PDSS1: variants seen among roughly 807,000 people sequenced by gnomAD.
PDSS1 encodes the protein decaprenyl diphosphate synthase subunit 1.
Under a neutral mutation model 57.5 loss-of-function variants are expected in PDSS1, and 43 were observed. The observed-to-expected ratio is 0.75, with a 90% CI of 0.59 to 0.96. PDSS1 has a LOEUF of 0.96. Ranked by LOEUF, PDSS1 falls within the 50% of genes least tolerant of loss-of-function variation. The pLI is 0.00. For missense variants in PDSS1, 438 were observed against 527.8 expected, an observed-to-expected ratio of 0.83 and a Z score of 1.67; for synonymous variants, 175 against 191.3, an observed-to-expected ratio of 0.91 and a Z score of 0.70.
At chr10:26,745,317 A>G (rs1836804690) in intron 11 of PDSS1, among the ~76,000 whole-genome samples, 1 of 152,232 alleles carries the variant, frequency 6.6e-6, no homozygotes, top group East Asian at 1.9e-4. Context: ...AAGAACCAAT[A>G]TTTTAAAACA....
intron 5 of PDSS1, among the ~76,000 whole-genome samples, chr10:26,717,247 C>T (rs75222700): frequency 0.025 from 3,728 of 151,848 alleles, 164 homozygotes; most frequent in African/African-American, 0.085. Context: ...TTTATTTATT[C>T]GGAGACAGAG....
intron 10 of PDSS1, among the ~76,000 whole-genome samples, chr10:26,738,741 T>G (rs1836485477): frequency 6.6e-6 from 1 of 152,208 alleles, no homozygotes; most frequent in Non-Finnish European, 1.5e-5. Flanking sequence ...TCTTGGAGTT[T>G]ACTCCAGCCA....
At chr10:26,737,722 CAAAAAAAAAAAAAAAAA>C (rs200552153) in intron 10 of PDSS1, among the ~76,000 whole-genome samples, 3 of 73,556 alleles carry the variant, frequency 4.1e-5, no homozygotes, top group East Asian at 3.8e-4. Flanking sequence ...GACTCCGTCT[CAAAAAAAAAAAAAAAAA>C]AAAAAAAAAA....
chr10:26,705,471 T>G, intron 4 of PDSS1, 77 bp downstream of exon 4: 1 of 584,994 alleles, frequency 1.7e-6, no homozygotes, highest in Non-Finnish European at 2.9e-6. Context: ...TTTTTTATTC[T>G]TATAATTATT....
At chr10:26,726,321 A>G (rs1394699447) in intron 8 of PDSS1, among the ~76,000 whole-genome samples, 1 of 152,130 alleles carries the variant, frequency 6.6e-6, no homozygotes, top group African/African-American at 2.4e-5. Context: ...TCCCAGCACT[A>G]CCTCCTTTTC....
intron 10 of PDSS1, among the ~76,000 whole-genome samples, chr10:26,737,098 C>T (rs56180271): frequency 6.6e-6 from 1 of 152,292 alleles, no homozygotes; most frequent in Non-Finnish European, 1.5e-5. Context: ...GATTCCTTTA[C>T]CTAGGCTCAG....
intron 1 of PDSS1, among the ~76,000 whole-genome samples, chr10:26,699,724 G>T (rs753945880): frequency 9.2e-5 from 14 of 152,156 alleles, no homozygotes; most frequent in Admixed American, 2.0e-4. Context: ...AAAGTTTCTT[G>T]CCCACCAAGC....
chr10:26,746,620 A>G lies in PDSS1; in HGVS notation c.*147A>G, dbSNP rs1836943381. On this transcript the variant is annotated 3_prime_UTR_variant, in exon 12 of 12. Transcript: ENST00000376215. ...ATTGATGGGCAATTTATTTTTTTTT[A>G]TTGCAAAAGTTTTTTCAGAAAACTT... 4.8e-6 allele frequency: 4 copies of G among 830,486 alleles called. No homozygotes were observed. The highest frequency in any genetic ancestry group is 7.6e-6 in the Non-Finnish European group (4 of 526,504). The allele number at this position is 830,486 out of a possible 1,614,324, so 51.4% of individuals were successfully genotyped here.
intron 10 of PDSS1, among the ~76,000 whole-genome samples, chr10:26,741,007 A>G (rs888259323): frequency 2.6e-5 from 4 of 151,528 alleles, no homozygotes; most frequent in African/African-American, 9.7e-5. Context: ...GGTCTTTTTT[A>G]TAACCTACTC....
chr10:26,731,298 G>A (rs757448781), intron 8 of PDSS1, among the ~76,000 whole-genome samples: 11 of 152,186 alleles, frequency 7.2e-5, no homozygotes, highest in Middle Eastern at 3.4e-3. Context: ...CCAAGATCAC[G>A]TCACTGCACT....
intron 10 of PDSS1, 62 bp from the exon 11 acceptor site, chr10:26,742,435 A>C: frequency 8.3e-7 from 1 of 1,202,178 alleles, no homozygotes; most frequent in Non-Finnish European, 1.2e-6. Flanking sequence ...TAGTGTTAGA[A>C]CACTTGTTTC....
chr10:26,706,469 C>G (rs922767396), intron 4 of PDSS1, among the ~76,000 whole-genome samples: 37 of 152,162 alleles, frequency 2.4e-4, no homozygotes, highest in African/African-American at 8.0e-4. Flanking sequence ...GAAGTCATGT[C>G]CCTTCCCTCT....
At chr10:26,741,275 A>G (rs6482572) in intron 10 of PDSS1, among the ~76,000 whole-genome samples, 91,235 of 152,018 alleles carry the variant, frequency 0.6, 29,214 homozygotes, top group African/African-American at 0.84. Flanking sequence ...ACCTGAGGTC[A>G]GGAGTTTGAG....
At chr10:26,746,286 T>C in intron 11 of PDSS1, 47 bp from the exon 12 acceptor site, 1 of 1,604,388 alleles carries the variant, frequency 6.2e-7, no homozygotes, top group Non-Finnish European at 8.5e-7. Flanking sequence ...AAAACGCTGA[T>C]TCAGTCAGTG....
chr10:26,721,123 A>G (rs990948489), intron 6 of PDSS1, among the ~76,000 whole-genome samples: 6 of 152,068 alleles, frequency 3.9e-5, no homozygotes, highest in Admixed American at 3.9e-4. Flanking sequence ...CTGGCCAACA[A>G]GGCAAAACCC....
At chr10:26,697,945 G>A in intron 1 of PDSS1, 105 bp downstream of exon 1, 1 of 1,056,570 alleles carries the variant, frequency 9.5e-7, no homozygotes, top group South Asian at 4.3e-5. Context: ...CGCGACGCGG[G>A]GGCGCGCGGG....
intron 5 of PDSS1, among the ~76,000 whole-genome samples, chr10:26,717,335 G>T (rs1311558658): frequency 6.6e-6 from 1 of 152,094 alleles, no homozygotes; most frequent in Admixed American, 6.6e-5. Context: ...AGGTTCAAGT[G>T]ATTCTCCTGC....
At chr10:26,743,760 A>C (rs1421286556) in intron 11 of PDSS1, among the ~76,000 whole-genome samples, 1 of 152,214 alleles carries the variant, frequency 6.6e-6, no homozygotes, top group East Asian at 1.9e-4. Flanking sequence ...TCTCTGAACA[A>C]ATTCTCCAAA....
chr10:26,727,753 A>G (rs1019751177), intron 8 of PDSS1, among the ~76,000 whole-genome samples: 1 of 152,074 alleles, frequency 6.6e-6, no homozygotes, highest in Non-Finnish European at 1.5e-5. Context: ...AAGGGAAAAC[A>G]TATTTTTCTG....
Sources: gnomAD v4.1 joint callset for allele counts (sites outside exome capture counted in the v4.1 genomes callset) on GRCh38, gnomAD v4.1.1 for gene constraint, MANE v1.5 for transcripts, NCBI Gene and HGNC (gene_info 2026-07-23, HGNC 2026-07-21) for gene names.